NDUFA10: variants seen among roughly 807,000 people sequenced by gnomAD.
The protein encoded by NDUFA10 is NADH:ubiquinone oxidoreductase subunit A10.
NDUFA10 carries 40 observed loss-of-function variants against 47.8 expected under a neutral mutation model. The ratio of observed to expected loss-of-function variants is 0.84; its 90% CI spans 0.65 to 1.09. NDUFA10 has a LOEUF of 1.09. Among genes scored for constraint, NDUFA10 ranks in the 50% least tolerant of loss-of-function variants. The pLI, the probability that NDUFA10 is intolerant of heterozygous loss-of-function variation, is 0.00. For synonymous variants in NDUFA10, 183 were observed against 172.2 expected (o/e 1.06, Z -0.49); for missense variants, 413 against 451.1 (o/e 0.92, Z 0.76).
chr2:240,008,270 GCAA>G (rs1355730543), intron 6 of NDUFA10, among the ~76,000 whole-genome samples: 1 of 152,090 alleles, frequency 6.6e-6, no homozygotes, highest in Non-Finnish European at 1.5e-5. Context: ...GATTCTTACT[GCAA>G]CGAGATCACT....
chr2:239,961,317 T>A (rs1694845815), intron 9 of NDUFA10, 131 bp from the exon 10 acceptor site: 31 of 1,538,994 alleles, frequency 2.0e-5, no homozygotes, highest in Non-Finnish European at 2.2e-5. Context: ...GAGCACATGA[T>A]CTGTGGCAGG....
intron 9 of NDUFA10, among the ~76,000 whole-genome samples, chr2:239,967,527 G>C (rs1014681599): frequency 1.3e-5 from 2 of 152,196 alleles, no homozygotes; most frequent in African/African-American, 4.8e-5. Flanking sequence ...GCCTAAGAAA[G>C]TACAGGAAGG....
rs1450112264 is a variant in NDUFA10 at position 239,951,177 on chromosome 2, C to T, written c.294+38897G>A. On this transcript the variant is annotated intron_variant, in intron 4 of 5. Coordinates refer to the NDUFA10 transcript ENST00000419408. ...TTCCAGCAAACATCTGACCACAAGA[C>T]ATCAGAAGGAGAGGCTACTATTGAG... Among the ~76,000 whole-genome samples, 4 of 152,362 alleles carry T rather than the reference C, an allele frequency of 2.6e-5. No homozygotes were observed. The East Asian group carries it at 5.8e-4, about 22-fold the overall frequency.
chr2:239,998,174 C>T (rs944364981), intron 8 of NDUFA10, among the ~76,000 whole-genome samples: 1 of 152,198 alleles, frequency 6.6e-6, no homozygotes, highest in Non-Finnish European at 1.5e-5. Context: ...ACTTTCTCTT[C>T]CAAGAGGGTG....
Position 239,961,028 on chromosome 2 carries a change from C to A in NDUFA10, c.*90G>T. The A allele has an allele frequency of 6.3e-7, 1 of 1,593,550 alleles. No homozygotes were observed. Among genetic ancestry groups the A allele is most frequent in the Non-Finnish European group, 8.5e-7 (1 of 1,170,788 alleles). ...GCAATTTTTGCATTATTTACCCTCCCCCGATCTTAAAGCTATATGGCGTCC... is the reference window on the plus strand; with the variant it reads ...GCAATTTTTGCATTATTTACCCTCCACCGATCTTAAAGCTATATGGCGTCC... On this transcript the variant is annotated 3_prime_UTR_variant, in exon 10 of 10. Coordinates refer to ENST00000252711, the MANE Select transcript of NDUFA10 (RefSeq NM_004544.4).
intron 9 of NDUFA10, among the ~76,000 whole-genome samples, chr2:239,980,037 G>T (rs991774375): frequency 6.6e-6 from 1 of 151,812 alleles, no homozygotes; most frequent in Non-Finnish European, 1.5e-5. Flanking sequence ...ACATCCCTCA[G>T]TCCCCTGCGT....
intron 4 of NDUFA10, among the ~76,000 whole-genome samples, chr2:239,926,708 A>G (rs546514622): frequency 6.6e-6 from 1 of 152,164 alleles, no homozygotes; most frequent in African/African-American, 2.4e-5. Flanking sequence ...GAACAATTCC[A>G]TGTGTGCTAC....
chr2:239,986,017 C>A (rs1359373159), intron 9 of NDUFA10, among the ~76,000 whole-genome samples: 2 of 151,862 alleles, frequency 1.3e-5, no homozygotes, highest in Non-Finnish European at 2.9e-5. Flanking sequence ...ACATGCACAC[C>A]TACTTACACA....
intron 4 of NDUFA10, among the ~76,000 whole-genome samples, chr2:239,903,324 C>T (rs1300188209): frequency 6.6e-6 from 1 of 152,218 alleles, no homozygotes; most frequent in Non-Finnish European, 1.5e-5. Flanking sequence ...TTACGTTGAG[C>T]TCAGGGCGAG....
intron 4 of NDUFA10, among the ~76,000 whole-genome samples, chr2:239,947,286 A>G (rs1320564332): frequency 6.6e-6 from 1 of 152,186 alleles, no homozygotes; most frequent in African/African-American, 2.4e-5. Flanking sequence ...CCCTATACCA[A>G]TGCAGGTGCC....
chr2:239,896,389 G>A (rs1305211840), intron 4 of NDUFA10, among the ~76,000 whole-genome samples: 1 of 152,346 alleles, frequency 6.6e-6, no homozygotes, highest in African/African-American at 2.4e-5. Context: ...TTGCACGCCT[G>A]TGAAGCTGGC....
In NDUFA10 at chr2:239,969,890, A is replaced by G; in HGVS notation, c.1000-8704T>C. On this transcript the variant is annotated intron_variant, in intron 9 of 9. Transcript: ENST00000252711. Reference sequence around the variant, plus strand: ...AAAAAGGCCAAAAACAAATGGACAGAGTCACAGGGACCTGTGGAAAATAGC... The same window carrying G: ...AAAAAGGCCAAAAACAAATGGACAGGGTCACAGGGACCTGTGGAAAATAGC... 3.3e-5 allele frequency: 11 copies of G among 329,258 alleles called. 1 individual carries two copies. Among genetic ancestry groups the G allele is most frequent in the South Asian group, 2.1e-4 (11 of 53,334 alleles). 20.4% of individuals were successfully genotyped at this position (329,258 alleles called of 1,614,324 possible).
chr2:240,025,055 T>C (rs577907772), intron 1 of NDUFA10, among the ~76,000 whole-genome samples, 172 bp downstream of exon 1: 16 of 152,308 alleles, frequency 1.1e-4, no homozygotes, highest in African/African-American at 3.8e-4. Context: ...CCCTGAGGTC[T>C]GTCCACGACC....
chr2:239,905,479 C>G (rs67621211), intron 4 of NDUFA10, among the ~76,000 whole-genome samples: 28,195 of 152,166 alleles, frequency 0.19, 2,797 homozygotes, highest in African/African-American at 0.26. Context: ...TGTGTGGTGG[C>G]GGGGTATGTG....
intron 4 of NDUFA10, among the ~76,000 whole-genome samples, chr2:239,907,592 T>G (rs1474855414): frequency 6.6e-6 from 1 of 152,214 alleles, no homozygotes; most frequent in African/African-American, 2.4e-5. Flanking sequence ...GCGAAGGATA[T>G]AAACAGACAC....
chr2:239,895,488 G>A (rs1693374973), intron 4 of NDUFA10, among the ~76,000 whole-genome samples: 2 of 152,164 alleles, frequency 1.3e-5, no homozygotes, highest in South Asian at 4.1e-4. Context: ...ACAGTCCCTT[G>A]TTCACAAAAC....
At position 239,960,581 on chromosome 2, in the gene NDUFA10, C is replaced by A; in HGVS notation, c.*537G>T. On this transcript the variant is annotated 3_prime_UTR_variant, in exon 10 of 10. Coordinates refer to ENST00000252711, the MANE Select transcript of NDUFA10 (RefSeq NM_004544.4). ...TCTTATTTTTTCTACTCTAATGTAG[C>A]ACATTACTAAAATAAATACAGTAGG... 9.9e-7 allele frequency: 1 copy of A among 1,008,802 alleles called. No homozygotes were observed. Among genetic ancestry groups the A allele is most frequent in the Non-Finnish European group, 1.2e-6 (1 of 841,564 alleles). The allele number at this position is 1,008,802 out of a possible 1,614,324, so 62.5% of individuals were successfully genotyped here. A position where few individuals can be genotyped will look rare whatever the true frequency, so the allele number is the denominator to read the frequency against.
chr2:239,980,703 C>G (rs1311538524), intron 9 of NDUFA10, among the ~76,000 whole-genome samples: 1 of 152,228 alleles, frequency 6.6e-6, no homozygotes, highest in African/African-American at 2.4e-5. Context: ...TCTACATGTA[C>G]AGCTGAGCTC....
intron 8 of NDUFA10, among the ~76,000 whole-genome samples, chr2:240,002,358 A>C (rs1464852959): frequency 7.4e-6 from 1 of 135,884 alleles, no homozygotes; most frequent in Non-Finnish European, 1.6e-5. Context: ...AAAAAAAAAG[A>C]CAAGGAAAGC....
Sources: gnomAD v4.1 joint callset for allele counts (sites outside exome capture counted in the v4.1 genomes callset) on GRCh38, gnomAD v4.1.1 for gene constraint, MANE v1.5 for transcripts, NCBI Gene and HGNC (gene_info 2026-07-23, HGNC 2026-07-21) for gene names.